PKD1L3: variants seen among roughly 807,000 people sequenced by gnomAD.
The protein encoded by PKD1L3 is polycystin-1-like protein 3.
A neutral mutation model predicts 184.1 loss-of-function variants in PKD1L3; 239 were observed. The observed-to-expected ratio is 1.30, with a 90% CI of 1.17 to 1.45. The LOEUF is 1.45. Ranked by LOEUF, PKD1L3 falls within the 40% of genes most tolerant of loss-of-function variation. The probability of loss-of-function intolerance (pLI) is 0.00; values close to 1 mark genes in which losing one functional copy is unlikely to be tolerated. For synonymous variants in PKD1L3, 996 were observed against 778.8 expected (o/e 1.28, Z -4.64); for missense variants, 2,660 against 2,067.2 (o/e 1.29, Z -5.56).
At chr16:71,991,233 G>T in intron 3 of PKD1L3, 1 of 227,712 alleles carries the variant, frequency 4.4e-6, no homozygotes, top group South Asian at 7.8e-5. Flanking sequence ...CGAATCCACT[G>T]GGGAATAAAA....
At chr16:71,943,933 T>C in intron 23 of PKD1L3, 97 bp downstream of exon 23, 7 of 1,373,714 alleles carry the variant, frequency 5.1e-6, no homozygotes, top group Non-Finnish European at 6.9e-6. Context: ...AAAGACAGCT[T>C]TTTAACCCTT....
chr16:71,966,992 G>A, intron 15 of PKD1L3, 145 bp downstream of exon 15: 1 of 925,596 alleles, frequency 1.1e-6, no homozygotes, highest in South Asian at 2.0e-5. Context: ...GGCTTATTCT[G>A]TGTAGACAGC....
intron 15 of PKD1L3, among the ~76,000 whole-genome samples, chr16:71,965,630 C>T (rs930043006): frequency 4.6e-5 from 7 of 151,162 alleles, no homozygotes; most frequent in African/African-American, 9.7e-5. Context: ...CTCTGCTCAA[C>T]GCAATCTCTG....
chr16:71,934,238 CTTG>C, intron 26 of PKD1L3, 113 bp from the exon 27 acceptor site: 2 of 967,518 alleles, frequency 2.1e-6, no homozygotes, highest in Non-Finnish European at 3.1e-6. Context: ...AGGTCAAATG[CTTG>C]TTGATGTGAG....
In PKD1L3 at chr16:71,970,030, CAAAG is replaced by C; in HGVS notation, c.2025_2028del (p.Phe675LeufsTer7). ...TCAACATTCACGGTCCTGGGCACGA[CAAAG>C]AAGTCGCTGGCAAAGAAGGTCAGGT... is the stretch of plus-strand genomic sequence containing the variant. On this transcript the variant is annotated frameshift_variant, in exon 13 of 30. Coordinates refer to ENST00000620267, the MANE Select transcript of PKD1L3 (RefSeq NM_181536.2). LOFTEE classifies it high-confidence loss of function. 6.4e-7 allele frequency: 1 copy of C among 1,551,630 alleles called. No homozygotes were observed. Among genetic ancestry groups the C allele is most frequent in the Middle Eastern group, 1.7e-4 (1 of 5,992 alleles).
chr16:71,997,163 C>T (rs13333207), intron 2 of PKD1L3, among the ~76,000 whole-genome samples: 6,065 of 151,948 alleles, frequency 0.04, 388 homozygotes, highest in African/African-American at 0.14. Flanking sequence ...GAATTGTTTC[C>T]AGTTTTGTTC....
chr16:71,955,757 C>T (rs1279081838), intron 16 of PKD1L3, among the ~76,000 whole-genome samples: 1 of 152,104 alleles, frequency 6.6e-6, no homozygotes, highest in Non-Finnish European at 1.5e-5. Context: ...TCAGTTTCCC[C>T]CATCCTGTTC....
Position 71,984,061 on chromosome 16 carries a change from G to C in PKD1L3, c.941C>G (p.Thr314Ser). ...CEFLQKLTAL[T>S]PRFSKPAQVN... The stretch of plus-strand genomic sequence containing the variant: ...CTGAGCTGGCTTAGAAAATCTTGGG[G>C]TTAAGGCTGTTAGTTTCTGGAGGAA... Residue 314 changes from threonine (T) to serine (S), a missense_variant, in exon 6 of 30, where the codon ACC becomes AGC. Transcript: ENST00000620267. 1 of 1,552,166 alleles carries C rather than the reference G, an allele frequency of 6.4e-7. No individual in the cohort carries two copies. Among genetic ancestry groups the C allele is most frequent in the Non-Finnish European group, 8.7e-7 (1 of 1,147,060 alleles).
rs1235803926 is a variant in PKD1L3 at position 71,951,584 on chromosome 16, C to G, written c.3170G>C (p.Gly1057Ala). 5 of 1,550,852 alleles carry G rather than the reference C, an allele frequency of 3.2e-6. No individual in the cohort carries two copies. The highest frequency in any genetic ancestry group is 2.4e-5 in the East Asian group (1 of 40,942). Reference protein sequence around the residue: ...HLEGQGCHQQGERHWARVVPE... With the variant: ...HLEGQGCHQQAERHWARVVPE... ...TTTACCACGTGCCCAGTGGCGCTCT[C>G]CCTGCTGATGACAGCCTTGACCCTC... The change falls in exon 19 of 30, where the codon GGA (glycine) becomes GCA (alanine). Residue 1057 changes from glycine (G) to alanine (A), a missense_variant. By Grantham distance (60) the Gly-to-Ala change is moderately conservative. Coordinates refer to ENST00000620267, the MANE Select transcript of PKD1L3 (RefSeq NM_181536.2).
chr16:71,997,209 A>C (rs958506759), intron 2 of PKD1L3, among the ~76,000 whole-genome samples: 1 of 152,054 alleles, frequency 6.6e-6, no homozygotes, highest in African/African-American at 2.4e-5. Flanking sequence ...ATCCATATAC[A>C]TAGTTTTACG....
rs990480822 is a variant in PKD1L3, at chr16:71,982,225, A to G, written c.977T>C (p.Ile326Thr). 12 of 1,438,434 alleles carry G rather than the reference A, an allele frequency of 8.3e-6. No homozygotes were observed. Among genetic ancestry groups the G allele is most frequent in the Admixed American group, 4.4e-5 (2 of 45,652 alleles). The allele number at this position is 1,438,434 out of a possible 1,614,324, so 89.1% of individuals were successfully genotyped here. Residue 326 changes from isoleucine (I) to threonine (T), a missense_variant, in exon 7 of 30, where the codon ATC (isoleucine) becomes ACC (threonine). By Grantham distance (89) the Ile-to-Thr change is moderately conservative. Coordinates refer to ENST00000620267, the MANE Select transcript of PKD1L3 (RefSeq NM_181536.2). ...CTCACTCAGGTAAATAAGGGAATTG[A>G]TGAGATTAACCTGGGAGGATTAGAA... Reference protein sequence around the residue: ...RFSKPAQVNLINSLIYLSEEL... With the variant: ...RFSKPAQVNLTNSLIYLSEEL...
intron 21 of PKD1L3, among the ~76,000 whole-genome samples, chr16:71,948,240 A>AC (rs1298023254): frequency 4.0e-5 from 6 of 151,822 alleles, no homozygotes; most frequent in Non-Finnish European, 8.8e-5. Flanking sequence ...TCACCACTAT[A>AC]CCTGGCTAAT....
At chr16:71,953,299 T>C (rs1192734065) in intron 17 of PKD1L3, among the ~76,000 whole-genome samples, 1 of 152,146 alleles carries the variant, frequency 6.6e-6, no homozygotes, top group African/African-American at 2.4e-5. Flanking sequence ...TGTTAGAGTA[T>C]TCTAACGTTA....
At chr16:71,990,800 C>T (rs570466135) in intron 3 of PKD1L3, among the ~76,000 whole-genome samples, 36 of 151,792 alleles carry the variant, frequency 2.4e-4, no homozygotes, top group African/African-American at 8.5e-4. Flanking sequence ...GATGATCACT[C>T]GAGGACCTGG....
Position 71,944,035 on chromosome 16 carries a change from A to C in PKD1L3, c.3854T>G (p.Ile1285Ser). Residue 1285 changes from isoleucine to serine, a missense_variant, in exon 23 of 30, where the codon ATT (isoleucine) becomes AGT (serine). Coordinates refer to ENST00000620267, the MANE Select transcript of PKD1L3 (RefSeq NM_181536.2). Reference protein sequence around the residue: ...KKKLFKLTGDILVQILFLTLL... With the variant: ...KKKLFKLTGDSLVQILFLTLL... ...TTGCCATTTCCTCTCCATACCCAAA[A>C]TATCTCCAGTCAGCTTGAAGAGTTT... 6.4e-7 allele frequency: 1 copy of C among 1,551,258 alleles called. No individual in the cohort carries two copies. Among genetic ancestry groups the C allele is most frequent in the Non-Finnish European group, 8.7e-7 (1 of 1,146,928 alleles).
chr16:71,934,003 A>T lies in PKD1L3; in HGVS notation c.4736T>A (p.Val1579Asp), dbSNP rs1188563581. 1 of 1,551,654 alleles carries T rather than the reference A, an allele frequency of 6.4e-7. No individual in the cohort carries two copies. The change falls in exon 27 of 30, where the codon GTC (valine) becomes GAC (aspartate). Residue 1579 changes from valine (V) to aspartate (D), a missense_variant. By Grantham distance (152) the Val-to-Asp change is radical. Transcript: ENST00000620267. ...GGCTCGGCTCAGTGTCCTGCTGATG[A>T]CCCGCAGCCTGGGGCTATGACGCAG... ...NLLRHSPRLR[V>D]ISRTLSRAWD...
At chr16:71,983,796 T>G (rs1488303439) in intron 6 of PKD1L3, among the ~76,000 whole-genome samples, 1 of 150,376 alleles carries the variant, frequency 6.6e-6, no homozygotes, top group African/African-American at 2.4e-5. Flanking sequence ...TCCAAGTAGC[T>G]GAGATTACAG....
intron 2 of PKD1L3, among the ~76,000 whole-genome samples, chr16:71,997,614 G>A (rs938957020): frequency 6.6e-6 from 1 of 152,138 alleles, no homozygotes; most frequent in Non-Finnish European, 1.5e-5. Context: ...CGGGCATGGT[G>A]GCACATGCCT....
intron 2 of PKD1L3, among the ~76,000 whole-genome samples, chr16:71,996,147 G>A (rs1241711299): frequency 1.3e-5 from 2 of 151,458 alleles, no homozygotes; most frequent in Non-Finnish European, 2.9e-5. Flanking sequence ...GTTTCCAAGG[G>A]TAACATCTTG....
Sources: allele counts gnomAD v4.1 joint callset (sites outside exome capture counted in the v4.1 genomes callset), GRCh38; gene constraint gnomAD v4.1.1; transcripts MANE v1.5; gene names NCBI Gene and HGNC (gene_info 2026-07-23, HGNC 2026-07-21).